GSE1: variants seen among roughly 807,000 people sequenced by gnomAD.
The protein encoded by GSE1 is Gse1 coiled-coil protein.
Under a neutral mutation model 112.6 loss-of-function variants are expected in GSE1, and 32 were observed. That is an observed-to-expected ratio of 0.28 (90% CI 0.21 to 0.38). The LOEUF (loss-of-function observed/expected upper bound fraction) is 0.38, where lower values mean the gene tolerates loss of function less well. GSE1 is among the 10% of genes least tolerant of loss of function. GSE1 has a pLI of 1.00. For synonymous variants in GSE1, 1,115 were observed against 735.6 expected (o/e 1.52, Z -8.35); for missense variants, 2,348 against 1,699.2 (o/e 1.38, Z -6.71).
chr16:85,359,946 A>T (rs552343939), intron 2 of GSE1, among the ~76,000 whole-genome samples: 3 of 152,152 alleles, frequency 2.0e-5, no homozygotes, highest in Non-Finnish European at 4.4e-5. Flanking sequence ...AGGTGGGAGG[A>T]TCACTTGATT....
chr16:85,394,563 C>T (rs1432750700), intron 2 of GSE1, among the ~76,000 whole-genome samples: 1 of 152,164 alleles, frequency 6.6e-6, no homozygotes, highest in Non-Finnish European at 1.5e-5. Flanking sequence ...TGGTTTAGTC[C>T]TGGATGGGCG....
chr16:85,557,747 G>A (rs1299022664), intron 1 of GSE1, among the ~76,000 whole-genome samples: 1 of 150,644 alleles, frequency 6.6e-6, no homozygotes, highest in Admixed American at 6.6e-5. Context: ...TAACAGAGCA[G>A]GGCAGAGGGT....
In GSE1 at chr16:85,233,207, G is replaced by A. The variant is rs551786177; in HGVS notation, c.2283+61400G>A. Among the ~76,000 whole-genome samples, 36 of 152,394 alleles carry A rather than the reference G, an allele frequency of 2.4e-4. 1 individual carries two copies. Among genetic ancestry groups the A allele is most frequent in the South Asian group, 6.2e-4 (3 of 4,832 alleles). ...CGTGGGACCCTGTGCCTGCAAAGGC[G>A]AGGTGTCTACCCAGCCTCGTTTGTC... On this transcript the variant is annotated intron_variant, in intron 1 of 2. Transcript: ENST00000637419.
At chr16:85,430,056 C>T (rs780364844) in intron 2 of GSE1, among the ~76,000 whole-genome samples, 9 of 152,334 alleles carry the variant, frequency 5.9e-5, no homozygotes, top group South Asian at 4.1e-4. Context: ...TCCTAGTCCT[C>T]GGGGAATCCA....
rs4782691 is a variant in GSE1, at chr16:85,198,942, C to A, written c.2283+27135C>A. ...TACAGGCATGCACCACCACACCCGG[C>A]TAATTTTTTTTTTTTTTTGGGAGAC... On this transcript the variant is annotated intron_variant, in intron 1 of 2. Coordinates refer to the GSE1 transcript ENST00000637419. 1.2e-4 allele frequency among the ~76,000 whole-genome samples: 18 copies of A among 151,106 alleles called. No individual in the cohort carries two copies. The East Asian group carries it at 2.7e-3, about 23-fold the overall frequency.
exon 1 of GSE1, chr16:85,171,639 G>T (rs1597708874): frequency 1.0e-6 from 1 of 985,558 alleles, no homozygotes; most frequent in Non-Finnish European, 1.2e-6. Context: ...TGGCCCGGCT[G>T]CCCCTGTTCC....
chr16:85,518,174 G>T (rs28570089), intron 2 of GSE1, among the ~76,000 whole-genome samples: 72,541 of 152,140 alleles, frequency 0.48, 17,353 homozygotes, highest in East Asian at 0.48. Flanking sequence ...CCAGACATCT[G>T]TGCCTGCAGG....
chr16:85,431,093 A>G (rs779222204), intron 2 of GSE1, among the ~76,000 whole-genome samples: 16 of 152,148 alleles, frequency 1.1e-4, no homozygotes, highest in Non-Finnish European at 2.2e-4. Context: ...GATTTCTCAC[A>G]TCCTGGATTC....
chr16:85,496,735 G>A (rs1392959806), intron 2 of GSE1, among the ~76,000 whole-genome samples: 4 of 152,234 alleles, frequency 2.6e-5, no homozygotes, highest in Admixed American at 2.0e-4. Flanking sequence ...GGTCGGGGGT[G>A]CACGAGAGGG....
In GSE1 at chr16:85,357,535, G is replaced by A. The variant is rs1361742365; in HGVS notation, c.2356G>A (p.Ala786Thr). The change falls in exon 2 of 3, where the codon GCC (alanine) becomes ACC (threonine). Residue 786 changes from alanine (A) to threonine (T), a missense_variant. Physicochemically the swap from Ala to Thr is moderately conservative, Grantham distance 58. Coordinates refer to the GSE1 transcript ENST00000637419. Reference sequence around the variant, plus strand: ...CCGGGAGTCCGAGACCCGGCCACGCGCCCCCACGGAGACCCTGCCCAGAGG... The same window carrying A: ...CCGGGAGTCCGAGACCCGGCCACGCACCCCCACGGAGACCCTGCCCAGAGG... The A allele has an allele frequency of 1.3e-5, 17 of 1,274,678 alleles. No homozygotes were observed. The East Asian group carries it at 1.7e-4, about 13-fold the overall frequency. 79.0% of individuals were successfully genotyped at this position (1,274,678 alleles called of 1,614,324 possible). A position where few individuals can be genotyped will look rare whatever the true frequency, so the allele number is the denominator to read the frequency against.
At chr16:85,331,538 T>TGC (rs1162173366) in intron 1 of GSE1, among the ~76,000 whole-genome samples, 2 of 119,104 alleles carry the variant, frequency 1.7e-5, no homozygotes, top group African/African-American at 3.6e-5. Flanking sequence ...TGTATATGTG[T>TGC]ATATGTGTGT....
At chr16:85,555,302 C>T (rs1409722541), upstream of GSE1, 11 of 985,136 alleles carry the variant, frequency 1.1e-5, no homozygotes, top group Non-Finnish European at 1.3e-5. Flanking sequence ...TCTGCCCAGG[C>T]GCCAGAGCCC....
chr16:85,671,827 G>A (rs1317160388), intron 15 of GSE1: 1 of 155,834 alleles, frequency 6.4e-6, no homozygotes, highest in South Asian at 1.9e-4. Flanking sequence ...ACACTAGCAG[G>A]ATTGGTTCAG....
At chr16:85,398,574 A>G (rs897138187) in intron 2 of GSE1, among the ~76,000 whole-genome samples, 18 of 152,018 alleles carry the variant, frequency 1.2e-4, no homozygotes, top group African/African-American at 3.9e-4. Flanking sequence ...ATGGCCACAC[A>G]TGGCCAAATA....
At chr16:85,287,050 G>A (rs981589014) in intron 1 of GSE1, among the ~76,000 whole-genome samples, 2 of 152,222 alleles carry the variant, frequency 1.3e-5, no homozygotes, top group East Asian at 1.9e-4. Flanking sequence ...TTTCTCCAGC[G>A]CCTCTGGCCT....
intron 1 of GSE1, among the ~76,000 whole-genome samples, chr16:85,263,256 C>T (rs953654991): frequency 6.8e-6 from 1 of 147,508 alleles, no homozygotes; most frequent in East Asian, 2.0e-4. Context: ...ATCATCAAAC[C>T]TTTTTTTTTT....
chr16:85,348,249 TCCATCATCCAC>T (rs1000312506), intron 1 of GSE1, among the ~76,000 whole-genome samples: 21 of 151,998 alleles, frequency 1.4e-4, no homozygotes, highest in African/African-American at 5.1e-4. Flanking sequence ...CATCCATCCA[TCCATCATCCAC>T]CCACCTGCCC....
At chr16:85,337,809 C>T (rs887277039) in intron 1 of GSE1, among the ~76,000 whole-genome samples, 1 of 152,250 alleles carries the variant, frequency 6.6e-6, no homozygotes, top group Non-Finnish European at 1.5e-5. Context: ...GAAATGGAAG[C>T]GTCAGCCTCT....
intron 2 of GSE1, among the ~76,000 whole-genome samples, chr16:85,534,247 A>C (rs974540922): frequency 1.5e-4 from 22 of 150,774 alleles, no homozygotes; most frequent in African/African-American, 5.4e-4. Flanking sequence ...TCAGCCTCCC[A>C]AATAGCTGGG....
Sources: gnomAD v4.1 joint callset for allele counts (sites outside exome capture counted in the v4.1 genomes callset) on GRCh38, gnomAD v4.1.1 for gene constraint, MANE v1.5 for transcripts, NCBI Gene and HGNC (gene_info 2026-07-23, HGNC 2026-07-21) for gene names.